JAKMIP2: variants seen among roughly 807,000 people sequenced by gnomAD.
The protein encoded by JAKMIP2 is janus kinase and microtubule-interacting protein 2.
A neutral mutation model predicts 115.0 loss-of-function variants in JAKMIP2; 25 were observed. The ratio of observed to expected loss-of-function variants is 0.22; its 90% confidence interval spans 0.16 to 0.30. The LOEUF is 0.30. JAKMIP2 is among the 10% of genes least tolerant of loss of function. The pLI is 1.00. For synonymous variants in JAKMIP2, 334 were observed against 343.6 expected, an observed-to-expected ratio of 0.97 and a Z score of 0.31; for missense variants, 642 against 957.6, an observed-to-expected ratio of 0.67 and a Z score of 4.35.
At chr5:147,694,138 T>C (rs1225956425) in intron 1 of JAKMIP2, among the ~76,000 whole-genome samples, 2 of 152,124 alleles carry the variant, frequency 1.3e-5, no homozygotes, top group Admixed American at 6.6e-5. Flanking sequence ...TGGTGTCAAA[T>C]GTGATCACTC....
In JAKMIP2 at chr5:147,588,292, A is replaced by G. The variant is rs1181633787; in HGVS notation, c.*3415T>C. On this transcript the variant is annotated 3_prime_UTR_variant, in exon 22 of 22. Coordinates refer to ENST00000616793, the MANE Select transcript of JAKMIP2 (RefSeq NM_001270941.2). ...GGGTATGAATATTTTATTGAGAAAA[A>G]TTAAGTTAATGAACCCGGAAGAATG... is the stretch of plus-strand genomic sequence containing the variant. The G allele has an allele frequency of 6.6e-6, 1 of 152,114 alleles. No individual in the cohort carries two copies. The highest frequency in any genetic ancestry group is 1.5e-5 in the Non-Finnish European group (1 of 68,028). The allele number at this position is 152,114 out of a possible 1,614,324, so 9.4% of individuals were successfully genotyped here.
At chr5:147,727,442 A>G (rs1753562651) in intron 1 of JAKMIP2, among the ~76,000 whole-genome samples, 1 of 152,202 alleles carries the variant, frequency 6.6e-6, no homozygotes, top group African/African-American at 2.4e-5. Context: ...GGCCTCAGGA[A>G]ACTTACAATC....
At chr5:147,725,825 T>G (rs1471803210) in intron 1 of JAKMIP2, among the ~76,000 whole-genome samples, 2 of 152,148 alleles carry the variant, frequency 1.3e-5, no homozygotes, top group South Asian at 4.1e-4. Context: ...TGCTATTCTC[T>G]TTGGATTAAT....
rs1392785200 is a variant in JAKMIP2 at position 147,591,037 on chromosome 5, A to T, written c.*670T>A. ...CACAAGCTCCACCTTTTGCAGAAAAACAAAACAGAGAGTGTTTTTCTTCCC... is the reference window on the plus strand; with the variant it reads ...CACAAGCTCCACCTTTTGCAGAAAATCAAAACAGAGAGTGTTTTTCTTCCC... On this transcript the variant is annotated 3_prime_UTR_variant, in exon 22 of 22. Transcript: ENST00000616793. 6.6e-6 allele frequency: 1 copy of T among 152,642 alleles called. No homozygotes were observed. Among genetic ancestry groups the T allele is most frequent in the African/African-American group, 2.4e-5 (1 of 41,438 alleles). 9.5% of individuals were successfully genotyped at this position (152,642 alleles called of 1,614,324 possible).
At chr5:147,758,202 CTA>C (rs1754814825) in intron 1 of JAKMIP2, among the ~76,000 whole-genome samples, 1 of 152,112 alleles carries the variant, frequency 6.6e-6, no homozygotes, top group South Asian at 2.1e-4. Flanking sequence ...ATATTGTCCA[CTA>C]GTTTCAAATT....
chr5:147,760,098 G>A (rs1322930834), intron 1 of JAKMIP2, among the ~76,000 whole-genome samples: 3 of 152,078 alleles, frequency 2.0e-5, no homozygotes. Context: ...CTAAAATGGA[G>A]AGAAAGAAGG....
intron 2 of JAKMIP2, among the ~76,000 whole-genome samples, chr5:147,665,958 T>C (rs559981519): frequency 2.6e-5 from 4 of 152,246 alleles, no homozygotes; most frequent in Non-Finnish European, 5.9e-5. Context: ...AAAGTAAAAA[T>C]ACAGGTGCAT....
intron 20 of JAKMIP2, among the ~76,000 whole-genome samples, chr5:147,603,519 A>G (rs1755824648): frequency 6.6e-6 from 1 of 152,226 alleles, no homozygotes; most frequent in African/African-American, 2.4e-5. Flanking sequence ...AATGAAGAGT[A>G]TCTCTGGCAT....
rs539704469 is a variant in JAKMIP2 at position 147,597,186 on chromosome 5, C to T, written c.*20+4555G>A. Among the ~76,000 whole-genome samples, 25 of 151,872 alleles carry T rather than the reference C, an allele frequency of 1.6e-4. 1 individual carries two copies. The highest frequency in any genetic ancestry group is 1.9e-4 in the Non-Finnish European group (13 of 67,958). ...GAGTGAGCCACCGCGCCTGGCCGATCGTACTAATACTCTAAATGACGAATA... is the reference window on the plus strand; with the variant it reads ...GAGTGAGCCACCGCGCCTGGCCGATTGTACTAATACTCTAAATGACGAATA... On this transcript the variant is annotated intron_variant, in intron 21 of 21. Transcript: ENST00000616793.
intron 1 of JAKMIP2, among the ~76,000 whole-genome samples, chr5:147,743,813 T>C (rs892479854): frequency 1.3e-5 from 2 of 152,126 alleles, no homozygotes; most frequent in Admixed American, 6.5e-5. Context: ...ATGATGTTCT[T>C]CTCCAAAAGG....
At chr5:147,750,135 G>A (rs192576021) in intron 1 of JAKMIP2, among the ~76,000 whole-genome samples, 19 of 152,186 alleles carry the variant, frequency 1.2e-4, no homozygotes, top group African/African-American at 4.1e-4. Flanking sequence ...GCAATTACAC[G>A]TCTAGATCTA....
intron 1 of JAKMIP2, among the ~76,000 whole-genome samples, chr5:147,741,591 A>G (rs1466621221): frequency 1.3e-5 from 2 of 152,132 alleles, no homozygotes; most frequent in South Asian, 4.1e-4. Flanking sequence ...TTGGTAGTAA[A>G]TTTGTTACTC....
intron 1 of JAKMIP2, among the ~76,000 whole-genome samples, chr5:147,744,300 T>C (rs1362015749): frequency 1.3e-5 from 2 of 152,170 alleles, no homozygotes; most frequent in South Asian, 2.1e-4. Context: ...GGGGGCACTA[T>C]GTCTATAAGA....
intron 1 of JAKMIP2, among the ~76,000 whole-genome samples, chr5:147,745,674 C>G (rs1754324082): frequency 6.6e-6 from 1 of 152,130 alleles, no homozygotes. Context: ...TCCGTACTTT[C>G]TTATTTCTTG....
chr5:147,680,180 C>CT (rs966577073), intron 1 of JAKMIP2, among the ~76,000 whole-genome samples: 6 of 151,476 alleles, frequency 4.0e-5, no homozygotes, highest in Admixed American at 3.9e-4. Context: ...GTTATATTTC[C>CT]TTTTTTATGA....
rs186135311 is a variant in JAKMIP2 at position 147,671,964 on chromosome 5, G to A, written c.-148-10C>T. On this transcript the variant is annotated splice_polypyrimidine_tract_variant and intron_variant, in intron 1 of 21. Coordinates refer to ENST00000616793, the MANE Select transcript of JAKMIP2 (RefSeq NM_001270941.2). ...CGCTGCCCTGGAAGCCCTGAGAAGA[G>A]GCAGAGATAGTAGTTATTGTTTTGG... 2.7e-5 allele frequency: 35 copies of A among 1,281,808 alleles called. No individual in the cohort carries two copies. The East Asian group carries it at 3.0e-4, about 11-fold the overall frequency. 79.4% of individuals were successfully genotyped at this position (1,281,808 alleles called of 1,614,324 possible).
intron 1 of JAKMIP2, among the ~76,000 whole-genome samples, chr5:147,751,233 G>A (rs187456341): frequency 9.3e-5 from 14 of 151,004 alleles, no homozygotes; most frequent in Admixed American, 6.6e-4. Flanking sequence ...CGCCAGGCCC[G>A]GCTAAGTTGT....
At chr5:147,753,678 C>T (rs1754641182) in intron 1 of JAKMIP2, among the ~76,000 whole-genome samples, 1 of 152,208 alleles carries the variant, frequency 6.6e-6, no homozygotes, top group Non-Finnish European at 1.5e-5. Flanking sequence ...AGAATTCGGT[C>T]TTAGCAACTA....
chr5:147,608,632 G>A (rs1245569048), intron 20 of JAKMIP2, among the ~76,000 whole-genome samples: 4 of 152,308 alleles, frequency 2.6e-5, no homozygotes, highest in Admixed American at 2.6e-4. Context: ...ATGTGGTGCT[G>A]AGCAGAATGT....
Sources: gnomAD v4.1 joint callset for allele counts (sites outside exome capture counted in the v4.1 genomes callset) on GRCh38, gnomAD v4.1.1 for gene constraint, MANE v1.5 for transcripts, NCBI Gene and HGNC (gene_info 2026-07-23, HGNC 2026-07-21) for gene names.